Variants in PRKAG2 observed in about 807,000 individuals in gnomAD.
The protein encoded by PRKAG2 is protein kinase AMP-activated non-catalytic subunit gamma 2, also known as 5'-AMP-activated protein kinase subunit gamma-2.
In PRKAG2, 26 loss-of-function variants were observed where a neutral mutation model predicts 69.6. The observed-to-expected ratio is 0.37, with a 90% confidence interval of 0.27 to 0.52. The LOEUF is 0.52. Among genes scored for constraint, PRKAG2 ranks in the 20% least tolerant of loss-of-function variants. The pLI, the probability that PRKAG2 is intolerant of heterozygous loss-of-function variation, is 0.90. For synonymous variants in PRKAG2, 293 were observed against 285.0 expected (o/e 1.03, Z -0.28); for missense variants, 557 against 740.0 (o/e 0.75, Z 2.87).
At chr7:151,678,242 C>A (rs1007072841) in intron 3 of PRKAG2, among the ~76,000 whole-genome samples, 1 of 151,956 alleles carries the variant, frequency 6.6e-6, no homozygotes, top group African/African-American at 2.4e-5. Context: ...GTATGTAAGT[C>A]CCCTCTCCCC....
intron 5 of PRKAG2, among the ~76,000 whole-genome samples, chr7:151,628,355 TA>T (rs1373690194): frequency 4.6e-5 from 7 of 152,154 alleles, no homozygotes; most frequent in African/African-American, 1.7e-4. Context: ...TTAATATAGA[TA>T]AACACAAACA....
At chr7:151,590,201 T>C (rs771981962) in intron 6 of PRKAG2, among the ~76,000 whole-genome samples, 2 of 152,232 alleles carry the variant, frequency 1.3e-5, no homozygotes, top group African/African-American at 2.4e-5. Context: ...GGACTCAGTA[T>C]GACAGCATTC....
intron 3 of PRKAG2, among the ~76,000 whole-genome samples, chr7:151,767,184 G>A (rs1268945946): frequency 6.6e-6 from 1 of 152,250 alleles, no homozygotes; most frequent in African/African-American, 2.4e-5. Flanking sequence ...CACAGACCAG[G>A]AGAAAGAACA....
chr7:151,843,126 G>A (rs1212357583), intron 1 of PRKAG2, among the ~76,000 whole-genome samples: 1 of 145,386 alleles, frequency 6.9e-6, no homozygotes, highest in Non-Finnish European at 1.5e-5. Context: ...TTCTGGGCAT[G>A]AATATATGTG....
At chr7:151,698,865 C>T (rs1016792378) in intron 3 of PRKAG2, among the ~76,000 whole-genome samples, 2 of 152,230 alleles carry the variant, frequency 1.3e-5, no homozygotes, top group African/African-American at 4.8e-5. Context: ...ATACCAGCGT[C>T]AGCCCCTTGC....
rs563264719 is a variant in PRKAG2 at position 151,640,111 on chromosome 7, G to C, written c.685-7973C>G. On this transcript the variant is annotated intron_variant, in intron 4 of 15. Transcript: ENST00000287878. ...GGATCACCTGAGGTCAGGAGTTCAA[G>C]ACCAGCCTGGGCAACATGGTGAAAC... 2.6e-3 allele frequency among the ~76,000 whole-genome samples: 391 copies of C among 152,188 alleles called. 2 individuals carry two copies. The highest frequency in any genetic ancestry group is 3.2e-3 in the Non-Finnish European group (219 of 68,012).
At chr7:151,652,846 T>C (rs1209206873) in intron 4 of PRKAG2, among the ~76,000 whole-genome samples, 1 of 152,112 alleles carries the variant, frequency 6.6e-6, no homozygotes, top group African/African-American at 2.4e-5. Flanking sequence ...CTTGAACTCC[T>C]GGGCTCAAGC....
rs908409510 is a variant in PRKAG2, at chr7:151,675,655, A to C, written c.467-18T>G. The C allele has an allele frequency of 6.3e-7, 1 of 1,598,692 alleles. No individual in the cohort carries two copies. The highest frequency in any genetic ancestry group is 1.4e-5 in the African/African-American group (1 of 73,894). Reference sequence around the variant, plus strand: ...GCCGGAGGCTGCAGAAGAAACACCAAGGACGGTCAGAGGTCCGGCTTCCAG... The same window carrying C: ...GCCGGAGGCTGCAGAAGAAACACCACGGACGGTCAGAGGTCCGGCTTCCAG... On this transcript the variant is annotated intron_variant, in intron 3 of 15. Coordinates refer to ENST00000287878, the MANE Select transcript of PRKAG2 (RefSeq NM_016203.4).
chr7:151,643,093 C>G (rs1255586560), intron 4 of PRKAG2, among the ~76,000 whole-genome samples: 3 of 152,180 alleles, frequency 2.0e-5, no homozygotes, highest in African/African-American at 7.2e-5. Context: ...ACATCTCTTG[C>G]CTTTCACAAA....
In PRKAG2 at chr7:151,675,420, G is replaced by T; in HGVS notation, c.684C>A (p.Ala228=). The T allele has an allele frequency of 6.2e-7, 1 of 1,613,744 alleles. No individual in the cohort carries two copies. Among genetic ancestry groups the T allele is most frequent in the Non-Finnish European group, 8.5e-7 (1 of 1,179,698 alleles). ...ASPTHYAPSK[A]AALAAALGPA... is the part of the protein sequence containing the mutation. ...CACCCACAGAAGGGCCCAGACTTAC[G>T]GCTTTGGAGGGAGCATAGTGTGTCG... is the stretch of plus-strand genomic sequence containing the variant. The change falls in exon 4 of 16, where the codon GCC becomes GCA. Residue 228 remains alanine (A), a splice_region_variant and synonymous_variant. Transcript: ENST00000287878.
chr7:151,601,914 G>A (rs1238596246), intron 5 of PRKAG2, among the ~76,000 whole-genome samples: 3 of 152,350 alleles, frequency 2.0e-5, no homozygotes, highest in South Asian at 2.1e-4. Flanking sequence ...CTCGGGGTTC[G>A]TGAATGAATA....
chr7:151,844,539 G>A (rs1436122618), intron 1 of PRKAG2, among the ~76,000 whole-genome samples: 1 of 152,162 alleles, frequency 6.6e-6, no homozygotes, highest in Admixed American at 6.5e-5. Flanking sequence ...GAATCACAAA[G>A]TTATTTTAGG....
At chr7:151,772,893 G>A (rs2076086526) in intron 3 of PRKAG2, among the ~76,000 whole-genome samples, 2 of 151,596 alleles carry the variant, frequency 1.3e-5, no homozygotes, top group Admixed American at 6.6e-5. Flanking sequence ...CAAAGGGCAG[G>A]AGGATCGCTT....
At chr7:151,806,736 C>T (rs1257498911) in intron 1 of PRKAG2, 8 of 314,928 alleles carry the variant, frequency 2.5e-5, no homozygotes, top group Admixed American at 1.9e-4. Context: ...GAGGTGGAGA[C>T]GGGCAGACCA....
chr7:151,749,780 C>T (rs2074540188), intron 3 of PRKAG2, among the ~76,000 whole-genome samples: 1 of 141,040 alleles, frequency 7.1e-6, no homozygotes, highest in South Asian at 2.3e-4. Context: ...CTAGGACAAC[C>T]ACACTGAAAA....
At chr7:151,841,465 G>A (rs1261943148) in intron 1 of PRKAG2, among the ~76,000 whole-genome samples, 2 of 150,878 alleles carry the variant, frequency 1.3e-5, no homozygotes, top group Non-Finnish European at 3.0e-5. Context: ...AGTGATAGTA[G>A]TGATGGTAGG....
At chr7:151,690,571 T>C (rs1223374966) in intron 3 of PRKAG2, among the ~76,000 whole-genome samples, 1 of 152,160 alleles carries the variant, frequency 6.6e-6, no homozygotes, top group Non-Finnish European at 1.5e-5. Flanking sequence ...AGGACCAGGG[T>C]TCCCGGATTC....
chr7:151,872,735 A>G (rs1290509467), intron 1 of PRKAG2, among the ~76,000 whole-genome samples: 1 of 152,168 alleles, frequency 6.6e-6, no homozygotes, highest in Non-Finnish European at 1.5e-5. Context: ...CACTAGGCTG[A>G]GCAAGCTGCC....
rs377439990 is a variant in PRKAG2, at chr7:151,802,963, T to TATATA, written c.115-16423_115-16422insTATAT. ...ATAAGCAATATGATATATATATATA[T>TATATA]TTTTTTTTTTTTGAGACAGGGTCTC... On this transcript the variant is annotated intron_variant, in intron 1 of 15. Transcript: ENST00000287878. Among the ~76,000 whole-genome samples, 487 of 108,656 alleles carry TATATA rather than the reference T, an allele frequency of 4.5e-3. 2 individuals carry two copies. Among genetic ancestry groups the TATATA allele is most frequent in the African/African-American group, 0.014 (459 of 33,618 alleles). The allele number at this position is 108,656 out of a possible 152,430, so 71.3% of individuals were successfully genotyped here.
Sources: allele counts gnomAD v4.1 joint callset (sites outside exome capture counted in the v4.1 genomes callset), GRCh38; gene constraint gnomAD v4.1.1; transcripts MANE v1.5; gene names NCBI Gene and HGNC (gene_info 2026-07-23, HGNC 2026-07-21).